The following FBLN7 variants were observed in gnomAD, a reference collection of about 807,000 sequenced individuals.
The protein encoded by FBLN7 is fibulin-7.
A neutral mutation model predicts 44.0 loss-of-function variants in FBLN7; 31 were observed. That is an observed-to-expected ratio of 0.70 (90% CI 0.53 to 0.95). The LOEUF is 0.95. Among genes scored for constraint, FBLN7 ranks in the 40% least tolerant of loss-of-function variants. The probability of loss-of-function intolerance (pLI) is 0.00; values close to 1 mark genes in which losing one functional copy is unlikely to be tolerated. For synonymous variants in FBLN7, 262 were observed against 253.4 expected, an observed-to-expected ratio of 1.03 and a Z score of -0.32; for missense variants, 573 against 618.5, an observed-to-expected ratio of 0.93 and a Z score of 0.78.
intron 1 of FBLN7, among the ~76,000 whole-genome samples, chr2:112,142,282 A>G (rs1299183637): frequency 6.6e-6 from 1 of 152,022 alleles, no homozygotes; most frequent in African/African-American, 2.4e-5. Context: ...TCTACTCTAA[A>G]CAAGTCCTCT....
chr2:112,142,825 C>A (rs1254223637), intron 1 of FBLN7, among the ~76,000 whole-genome samples: 1 of 151,810 alleles, frequency 6.6e-6, no homozygotes, highest in Non-Finnish European at 1.5e-5. Flanking sequence ...TGTGTACACA[C>A]CTTTTTTGCA....
chr2:112,185,062 G>A (rs1243868882), intron 6 of FBLN7, 139 bp from the exon 7 acceptor site: 2 of 1,188,698 alleles, frequency 1.7e-6, no homozygotes, highest in African/African-American at 1.5e-5. Context: ...GTTAAGGAAG[G>A]CAGGCTTTCT....
chr2:112,150,735 A>G (rs1049309543), intron 1 of FBLN7, among the ~76,000 whole-genome samples: 7 of 152,170 alleles, frequency 4.6e-5, no homozygotes, highest in Non-Finnish European at 8.8e-5. Flanking sequence ...GAGATAATAG[A>G]CATTCCCATC....
At chr2:112,243,757 C>T in the FBLN7 span, among the ~76,000 whole-genome samples, 1 of 152,192 alleles carries the variant, frequency 6.6e-6, no homozygotes, top group East Asian at 1.9e-4. Context: ...TATTTATTGT[C>T]TTGTCCTTTA....
Position 112,175,853 on chromosome 2 carries a change from A to T in FBLN7, c.532+14A>T, listed in dbSNP as rs200782132. 6.2e-7 allele frequency: 1 copy of T among 1,613,442 alleles called. No homozygotes were observed. The highest frequency in any genetic ancestry group is 8.5e-7 in the Non-Finnish European group (1 of 1,179,560). On this transcript the variant is annotated intron_variant, in intron 4 of 7. Coordinates refer to ENST00000331203, the MANE Select transcript of FBLN7 (RefSeq NM_153214.3). Reference sequence around the variant, plus strand: ...AGGCCCAGACTGGTATGTAGCCACCATGGGGTTAGGTGAGGACATCCTGCT... The same window carrying T: ...AGGCCCAGACTGGTATGTAGCCACCTTGGGGTTAGGTGAGGACATCCTGCT...
intron 4 of FBLN7, among the ~76,000 whole-genome samples, chr2:112,178,693 T>G (rs1682847115): frequency 6.6e-6 from 1 of 152,182 alleles, no homozygotes; most frequent in Admixed American, 6.5e-5. Flanking sequence ...CAAGGTTGAT[T>G]CAACATATAA....
intron 4 of FBLN7, 199 bp downstream of exon 4, chr2:112,176,038 C>A (rs1682723726): frequency 2.0e-6 from 1 of 507,186 alleles, no homozygotes; most frequent in Admixed American, 3.8e-5. Flanking sequence ...TTTGATGCAA[C>A]CAGAGTTTTG....
the FBLN7 span, among the ~76,000 whole-genome samples, chr2:112,196,111 G>C: frequency 2.0e-5 from 3 of 152,230 alleles, no homozygotes; most frequent in Non-Finnish European, 4.4e-5. Context: ...GTGTCTGAGT[G>C]ATCACAGTGA....
chr2:112,224,444 C>T, the FBLN7 span, among the ~76,000 whole-genome samples: 1 of 152,130 alleles, frequency 6.6e-6, no homozygotes, highest in South Asian at 2.1e-4. Flanking sequence ...AATTGCAGGA[C>T]ACATTGTATT....
the FBLN7 span, among the ~76,000 whole-genome samples, chr2:112,203,772 C>T: frequency 6.6e-6 from 1 of 152,062 alleles, no homozygotes; most frequent in Non-Finnish European, 1.5e-5. Flanking sequence ...TGGCAGGAGG[C>T]AAAAGGCACT....
chr2:112,231,129 C>T, the FBLN7 span, among the ~76,000 whole-genome samples: 1 of 152,094 alleles, frequency 6.6e-6, no homozygotes, highest in African/African-American at 2.4e-5. Flanking sequence ...TTTTCCATAT[C>T]TATTTCACAC....
the FBLN7 span, among the ~76,000 whole-genome samples, chr2:112,196,220 A>G: frequency 6.6e-6 from 1 of 152,176 alleles, no homozygotes; most frequent in Non-Finnish European, 1.5e-5. Flanking sequence ...CAGCATAACT[A>G]TCCTGACTGA....
At chr2:112,202,854 C>A in the FBLN7 span, among the ~76,000 whole-genome samples, 10 of 152,140 alleles carry the variant, frequency 6.6e-5, no homozygotes, top group African/African-American at 9.7e-5. Context: ...CTCCACCCCC[C>A]ACTAAAATTC....
the FBLN7 span, among the ~76,000 whole-genome samples, chr2:112,232,710 T>C: frequency 6.6e-6 from 1 of 152,204 alleles, no homozygotes; most frequent in East Asian, 1.9e-4. Context: ...CAAATTACAA[T>C]TTGATACTCC....
the FBLN7 span, among the ~76,000 whole-genome samples, chr2:112,221,379 T>C: frequency 6.6e-6 from 1 of 152,170 alleles, no homozygotes; most frequent in East Asian, 1.9e-4. Context: ...CCATGCGACA[T>C]GCTGGCTCCT....
At chr2:112,149,958 G>A (rs560193963) in intron 1 of FBLN7, among the ~76,000 whole-genome samples, 6 of 152,328 alleles carry the variant, frequency 3.9e-5, no homozygotes, top group East Asian at 1.9e-4. Context: ...GGAACTCAGC[G>A]TGGGGCTGGG....
At chr2:112,147,479 C>T (rs1480971844) in intron 1 of FBLN7, among the ~76,000 whole-genome samples, 4 of 152,122 alleles carry the variant, frequency 2.6e-5, no homozygotes, top group Non-Finnish European at 5.9e-5. Context: ...AGAGTTTATT[C>T]CCTTTTGCCT....
At chr2:112,160,021 C>G (rs908774127) in intron 2 of FBLN7, among the ~76,000 whole-genome samples, 186 bp downstream of exon 2, 3 of 151,794 alleles carry the variant, frequency 2.0e-5, no homozygotes, top group Non-Finnish European at 4.4e-5. Context: ...GACGGAGTCT[C>G]GCTCTGTCGC....
chr2:112,155,760 T>C (rs1314625831), intron 1 of FBLN7, among the ~76,000 whole-genome samples: 1 of 152,190 alleles, frequency 6.6e-6, no homozygotes. Context: ...CAGAGGGCAG[T>C]TGTGCCTGGA....
Sources: allele counts gnomAD v4.1 joint callset (sites outside exome capture counted in the v4.1 genomes callset), GRCh38; gene constraint gnomAD v4.1.1; transcripts MANE v1.5; gene names NCBI Gene and HGNC (gene_info 2026-07-23, HGNC 2026-07-21).